Variants in ITIH1 observed in about 807,000 individuals in gnomAD.
ITIH1 encodes inter-alpha-trypsin inhibitor heavy chain H1.
ITIH1 carries 94 observed loss-of-function variants against 104.6 expected under a neutral mutation model. The observed-to-expected ratio is 0.90, with a 90% CI of 0.76 to 1.07. The LOEUF (loss-of-function observed/expected upper bound fraction) is 1.07, where lower values mean the gene tolerates loss of function less well. ITIH1 is among the 50% of genes least tolerant of loss of function. The pLI, the probability that ITIH1 is intolerant of heterozygous loss-of-function variation, is 0.00. For synonymous variants in ITIH1, 455 were observed against 464.4 expected (o/e 0.98, Z 0.26); for missense variants, 1,193 against 1,181.4 (o/e 1.01, Z -0.14).
In ITIH1 at chr3:52,778,449, G is replaced by C. The variant is rs1559459751; in HGVS notation, c.248G>C (p.Arg83Thr). Residue 83 changes from arginine to threonine, a missense_variant, in exon 3 of 22, where the codon AGG becomes ACG. Physicochemically the swap from Arg to Thr is moderately conservative, Grantham distance 71. Coordinates refer to ENST00000273283, the MANE Select transcript of ITIH1 (RefSeq NM_002215.4). ...GTGGTCAACACTGCCAATGAAGCCAGGGAAGTGGCCTTCGACCTGGAAATC... is the reference window on the plus strand; with the variant it reads ...GTGGTCAACACTGCCAATGAAGCCACGGAAGTGGCCTTCGACCTGGAAATC... The part of the protein sequence containing the change: ...SQVVNTANEA[R>T]EVAFDLEIPK... The C allele has an allele frequency of 1.9e-6, 3 of 1,614,230 alleles. No homozygotes were observed. Among genetic ancestry groups the C allele is most frequent in the Non-Finnish European group, 2.5e-6 (3 of 1,180,048 alleles).
Position 52,782,987 on chromosome 3 carries a change from G to A in ITIH1, c.961G>A (p.Asp321Asn), listed in dbSNP as rs1233559583. 2 of 1,614,078 alleles carry A rather than the reference G, an allele frequency of 1.2e-6. No homozygotes were observed. The highest frequency in any genetic ancestry group is 3.3e-5 in the Admixed American group (2 of 60,018). ...TKEALLKILGDMQPGDYFDLV... is the reference protein window; with the variant it reads ...TKEALLKILGNMQPGDYFDLV... ...GGAGGCACTCCTTAAAATTCTGGGG[G>A]ACATGCAGCCAGGGGACTACTTTGA... Residue 321 changes from aspartate to asparagine, a missense_variant, in exon 9 of 22, where the codon GAC becomes AAC. Transcript: ENST00000273283.
Position 52,783,013 on chromosome 3 carries a change from C to T in ITIH1, c.987C>T (p.Asp329=). 6.2e-7 allele frequency: 1 copy of T among 1,614,086 alleles called. No individual in the cohort carries two copies. Among genetic ancestry groups the T allele is most frequent in the South Asian group, 1.1e-5 (1 of 91,068 alleles). The stretch of plus-strand genomic sequence containing the variant: ...ACATGCAGCCAGGGGACTACTTTGA[C>T]CTGGTTCTTTTTGGGACTCGAGTAC... The part of the protein sequence containing the change: ...LGDMQPGDYF[D]LVLFGTRVQS... Residue 329 remains aspartate, a synonymous_variant, in exon 9 of 22, where the codon GAC becomes GAT. Transcript: ENST00000273283.
At chr3:52,784,498 G>A (rs771800688) in intron 11 of ITIH1, 21 bp downstream of exon 11, 6 of 1,610,524 alleles carry the variant, frequency 3.7e-6, no homozygotes, top group Non-Finnish European at 5.1e-6. Flanking sequence ...ACAACCCCCT[G>A]TACCTCCAAT....
At chr3:52,787,348 C>A in intron 15 of ITIH1, 146 bp downstream of exon 15, 2 of 1,243,294 alleles carry the variant, frequency 1.6e-6, no homozygotes, top group South Asian at 2.4e-5. Context: ...AGCCGCCCTT[C>A]TCCACATCAC....
intron 3 of ITIH1, 113 bp from the exon 4 acceptor site, chr3:52,778,829 T>A: frequency 9.4e-7 from 1 of 1,059,312 alleles, no homozygotes; most frequent in South Asian, 1.4e-5. Context: ...CCATGGGCAG[T>A]GGAAGGCTCG....
In ITIH1 at chr3:52,791,570, G is replaced by A. The variant is rs774566520; in HGVS notation, c.2548G>A (p.Asp850Asn). The A allele has an allele frequency of 2.5e-6, 4 of 1,614,104 alleles. No homozygotes were observed. The highest frequency in any genetic ancestry group is 3.4e-6 in the Non-Finnish European group (4 of 1,180,020). ...AGTGTCTGACATCCACCCAGGCTCT[G>A]ACCCCACAAAGCCAGATGCCACGAT... Reference protein sequence around the residue: ...FEVSDIHPGSDPTKPDATMVV... With the variant: ...FEVSDIHPGSNPTKPDATMVV... The change falls in exon 21 of 22, where the codon GAC becomes AAC. Residue 850 changes from aspartate to asparagine, a missense_variant. Transcript: ENST00000273283.
chr3:52,778,983 A>T lies in ITIH1; in HGVS notation c.347A>T (p.Lys116Met). 6.2e-7 allele frequency: 1 copy of T among 1,614,132 alleles called. No homozygotes were observed. Among genetic ancestry groups the T allele is most frequent in the Non-Finnish European group, 8.5e-7 (1 of 1,179,924 alleles). ...GCATTTATCGGAGACATAAAGGACA[A>T]GGTGACTGCATGGAAGCAGTACCGG... ...GNAFIGDIKD[K>M]VTAWKQYRKA... is the part of the protein sequence containing the mutation. The change falls in exon 4 of 22, where the codon AAG (lysine) becomes ATG (methionine). Residue 116 changes from lysine (K) to methionine (M), a missense_variant. By Grantham distance (95) the Lys-to-Met change is moderately conservative. Coordinates refer to ENST00000273283, the MANE Select transcript of ITIH1 (RefSeq NM_002215.4).
chr3:52,785,081 A>G lies in ITIH1; in HGVS notation c.1445A>G (p.Asp482Gly). The G allele has an allele frequency of 1.2e-6, 2 of 1,614,026 alleles. No individual in the cohort carries two copies. The highest frequency in any genetic ancestry group is 1.7e-6 in the Non-Finnish European group (2 of 1,179,968). Residue 482 changes from aspartate to glycine, a missense_variant, in exon 12 of 22, where the codon GAT becomes GGT. Coordinates refer to ENST00000273283, the MANE Select transcript of ITIH1 (RefSeq NM_002215.4). ...CAGGTAGCCAAACCCCTGCTGGTGG[A>G]TGTGGATTTGCAGTACCCCCAGGAT... ...YSQVAKPLLV[D>G]VDLQYPQDAV...
Position 52,777,720 on chromosome 3 carries a change from C to A in ITIH1, c.105C>A (p.Ser35=). 6.3e-7 allele frequency: 1 copy of A among 1,588,102 alleles called. No homozygotes were observed. The highest frequency in any genetic ancestry group is 8.6e-7 in the Non-Finnish European group (1 of 1,168,150). Residue 35 remains serine (S), a synonymous_variant, in exon 1 of 22, where the codon TCC becomes TCA. Transcript: ENST00000273283. ...MPALGSATGR[S]KSSEKRQAVD... The stretch of plus-strand genomic sequence containing the variant: ...CCCTGGGCTCGGCTACAGGCAGGTC[C>A]AAGAGCAGCGAGGTATATGGCTAAG...
In ITIH1 at chr3:52,787,483, C is replaced by A. The variant is rs1342868950; in HGVS notation, c.1904-109C>A. ...CAGGACCCCAGGGGAGGGCTGAGACCCCCAGAGGGACGGCTGGGCCCAGGC... is the reference window on the plus strand; with the variant it reads ...CAGGACCCCAGGGGAGGGCTGAGACACCCAGAGGGACGGCTGGGCCCAGGC... On this transcript the variant is annotated intron_variant, in intron 15 of 21. Transcript: ENST00000273283. The A allele has an allele frequency of 3.7e-6, 5 of 1,351,324 alleles. No individual in the cohort carries two copies. The South Asian group carries it at 4.7e-5, about 13-fold the overall frequency. The allele number at this position is 1,351,324 out of a possible 1,614,324, so 83.7% of individuals were successfully genotyped here.
Position 52,783,308 on chromosome 3 carries a change from C to T in ITIH1, c.1194C>T (p.Leu398=), listed in dbSNP as rs753782775. Reference sequence around the variant, plus strand: ...AACTCAGCAACCATGCCTCAATACTCATCATGTTGACAGATGGCGATCCCA... The same window carrying T: ...AACTCAGCAACCATGCCTCAATACTTATCATGTTGACAGATGGCGATCCCA... ...LPELSNHASI[L]IMLTDGDPTE... The change falls in exon 10 of 22, where the codon CTC becomes CTT. Residue 398 remains leucine, a synonymous_variant. Transcript: ENST00000273283. The T allele has an allele frequency of 6.2e-7, 1 of 1,614,012 alleles. No homozygotes were observed. Among genetic ancestry groups the T allele is most frequent in the Non-Finnish European group, 8.5e-7 (1 of 1,180,044 alleles).
intron 19 of ITIH1, 182 bp from the exon 20 acceptor site, chr3:52,790,567 T>C (rs1699326063): frequency 1.6e-6 from 1 of 626,250 alleles, no homozygotes; most frequent in Non-Finnish European, 2.8e-6. Flanking sequence ...ACCTGGCACA[T>C]TGCAAGGGCC....
chr3:52,778,487 T>C lies in ITIH1; in HGVS notation c.286T>C (p.Phe96Leu). 6.2e-7 allele frequency: 1 copy of C among 1,614,218 alleles called. No homozygotes were observed. Among genetic ancestry groups the C allele is most frequent in the Non-Finnish European group, 8.5e-7 (1 of 1,180,032 alleles). ...CGACCTGGAAATCCCCAAGACAGCA[T>C]TCATCAGTGACTTTGCCGTGTGCGT... ...AFDLEIPKTA[F>L]ISDFAVTADG... Residue 96 changes from phenylalanine to leucine, a missense_variant, in exon 3 of 22, where the codon TTC (phenylalanine) becomes CTC (leucine). Physicochemically the swap from Phe to Leu is conservative, Grantham distance 22 (BLOSUM62 0). Transcript: ENST00000273283.
At chr3:52,785,429 G>A (rs557517857) in intron 12 of ITIH1, among the ~76,000 whole-genome samples, 200 bp downstream of exon 12, 11 of 152,340 alleles carry the variant, frequency 7.2e-5, no homozygotes, top group African/African-American at 2.6e-4. Flanking sequence ...CTGGAATGGG[G>A]CCAATATGGC....
chr3:52,788,979 A>G (rs888536915), intron 18 of ITIH1, among the ~76,000 whole-genome samples: 1 of 151,916 alleles, frequency 6.6e-6, no homozygotes. Context: ...CACCTTCCCC[A>G]TGAAGCATGG....
chr3:52,780,041 G>A, intron 5 of ITIH1: 1 of 1,235,432 alleles, frequency 8.1e-7, no homozygotes, highest in Non-Finnish European at 1.1e-6. Flanking sequence ...GGCTGGGTGG[G>A]TGCTGCACAC....
Position 52,782,923 on chromosome 3 carries a change from C to A in ITIH1, c.931-34C>A, listed in dbSNP as rs756404544. On this transcript the variant is annotated intron_variant, in intron 8 of 21. Transcript: ENST00000273283. ...GTGCTGTCCTGGGGCCACCCTGGGGCCCTGTCTGTCTACTGACTGTTCTGT... is the reference window on the plus strand; with the variant it reads ...GTGCTGTCCTGGGGCCACCCTGGGGACCTGTCTGTCTACTGACTGTTCTGT... The A allele has an allele frequency of 3.7e-6, 6 of 1,610,060 alleles. No homozygotes were observed. In the Admixed American group the frequency reaches 5.0e-5, roughly 13 times the overall value.
At chr3:52,782,841 A>C in intron 8 of ITIH1, 116 bp from the exon 9 acceptor site, 1 of 1,030,640 alleles carries the variant, frequency 9.7e-7, no homozygotes, top group Non-Finnish European at 1.4e-6. Context: ...TGGTTGTCCT[A>C]TCTCCTCCTG....
chr3:52,779,773 A>G lies in ITIH1; in HGVS notation c.573+179A>G. Reference sequence around the variant, plus strand: ...GGGCAGGGAACTCCCTGAATTCTCTAACTTCCTCTTTATCTCTGAGCTTCG... The same window carrying G: ...GGGCAGGGAACTCCCTGAATTCTCTGACTTCCTCTTTATCTCTGAGCTTCG... On this transcript the variant is annotated intron_variant, in intron 5 of 21. Coordinates refer to ENST00000273283, the MANE Select transcript of ITIH1 (RefSeq NM_002215.4). The surrounding 1 kb of genome is among the most constrained non-coding windows in gnomAD (Gnocchi z 4.4). 9.6e-7 allele frequency: 1 copy of G among 1,042,524 alleles called. No individual in the cohort carries two copies. The highest frequency in any genetic ancestry group is 1.4e-6 in the Non-Finnish European group (1 of 725,130). 64.6% of individuals were successfully genotyped at this position (1,042,524 alleles called of 1,614,324 possible). A position where few individuals can be genotyped will look rare whatever the true frequency, so the allele number is the denominator to read the frequency against.
Sources: allele counts gnomAD v4.1 joint callset (sites outside exome capture counted in the v4.1 genomes callset), GRCh38; gene constraint gnomAD v4.1.1; non-coding constraint Gnocchi (gnomAD v3.1); transcripts MANE v1.5; gene names NCBI Gene and HGNC (gene_info 2026-07-23, HGNC 2026-07-21).